RPS6KC1: variants seen among roughly 807,000 people sequenced by gnomAD.
The protein encoded by RPS6KC1 is ribosomal protein S6 kinase C1, also known as inactive ribosomal protein S6 kinase delta-1.
RPS6KC1 carries 54 observed loss-of-function variants against 103.8 expected under a neutral mutation model. The observed-to-expected ratio is 0.52, with a 90% CI of 0.42 to 0.65. The LOEUF (loss-of-function observed/expected upper bound fraction) is 0.65, where lower values mean the gene tolerates loss of function less well. RPS6KC1 is among the 30% of genes least tolerant of loss of function. The pLI is 0.00. For synonymous variants in RPS6KC1, 439 were observed against 438.7 expected (o/e 1.00, Z -0.01); for missense variants, 1,151 against 1,253.8 (o/e 0.92, Z 1.24).
chr1:213,349,192 A>G, the RPS6KC1 span, among the ~76,000 whole-genome samples: 2 of 152,214 alleles, frequency 1.3e-5, no homozygotes, highest in African/African-American at 2.4e-5. Flanking sequence ...TTTCTAAGTA[A>G]AGAGAAGAAT....
At chr1:213,185,370 GCA>G (rs1357492695) in intron 8 of RPS6KC1, among the ~76,000 whole-genome samples, 1 of 152,146 alleles carries the variant, frequency 6.6e-6, no homozygotes, top group African/African-American at 2.4e-5. Context: ...TTAAGGCCTG[GCA>G]CAGTGGCTTA....
chr1:213,499,020 T>C, the RPS6KC1 span, among the ~76,000 whole-genome samples: 10 of 151,722 alleles, frequency 6.6e-5, no homozygotes, highest in African/African-American at 2.4e-4. Flanking sequence ...CCTCAGGTGA[T>C]CCACCTGTCT....
Position 213,224,349 on chromosome 1 carries a change from G to A in RPS6KC1, c.1045-6148G>A, listed in dbSNP as rs73093622. ...AAGAACAGATGAGGCTAATCCTTAA[G>A]GAATAAGTTGCCTGCTTTTTCTTTT... On this transcript the variant is annotated intron_variant, in intron 8 of 14. Coordinates refer to ENST00000366960, the MANE Select transcript of RPS6KC1 (RefSeq NM_012424.6). 3.5e-3 allele frequency among the ~76,000 whole-genome samples: 535 copies of A among 152,268 alleles called. 6 individuals are homozygous for A. The highest frequency in any genetic ancestry group is 0.012 in the African/African-American group (511 of 41,558).
chr1:213,740,202 A>G, the RPS6KC1 span, among the ~76,000 whole-genome samples: 2 of 152,164 alleles, frequency 1.3e-5, no homozygotes, highest in African/African-American at 4.8e-5. Context: ...CAGAAATCCA[A>G]CACAATCAGA....
the RPS6KC1 span, among the ~76,000 whole-genome samples, chr1:213,629,750 C>A: frequency 6.6e-6 from 1 of 152,086 alleles, no homozygotes; most frequent in African/African-American, 2.4e-5. Context: ...TTTAGTGCTT[C>A]CTTCAGGAGC....
chr1:213,668,402 A>ACCCCCCCCCCC, the RPS6KC1 span, among the ~76,000 whole-genome samples: 1 of 86,250 alleles, frequency 1.2e-5, no homozygotes, highest in Non-Finnish European at 2.1e-5. Flanking sequence ...CCCCCGCCGC[A>ACCCCCCCCCCC]CCACCCCCAC....
chr1:213,434,006 TAA>T, the RPS6KC1 span, among the ~76,000 whole-genome samples: 35 of 151,978 alleles, frequency 2.3e-4, no homozygotes, highest in Non-Finnish European at 4.7e-4. Context: ...GTTGTATGTC[TAA>T]GACATTTTTC....
chr1:213,479,791 A>G, the RPS6KC1 span, among the ~76,000 whole-genome samples: 2 of 151,570 alleles, frequency 1.3e-5, no homozygotes, highest in African/African-American at 2.4e-5. Flanking sequence ...ATTTAATTAA[A>G]TAGAATTTTT....
the RPS6KC1 span, among the ~76,000 whole-genome samples, chr1:213,862,352 C>T: frequency 1.3e-5 from 2 of 152,120 alleles, no homozygotes; most frequent in Non-Finnish European, 2.9e-5. Flanking sequence ...GCCGATGGTC[C>T]GGAGGGTCAC....
the RPS6KC1 span, among the ~76,000 whole-genome samples, chr1:213,604,341 A>G: frequency 6.6e-6 from 1 of 152,242 alleles, no homozygotes; most frequent in African/African-American, 2.4e-5. Flanking sequence ...TGGGTTTTTC[A>G]TGCTGCACAG....
At chr1:213,113,827 C>T (rs1045691678) in intron 4 of RPS6KC1, among the ~76,000 whole-genome samples, 62 of 152,216 alleles carry the variant, frequency 4.1e-4, no homozygotes, top group South Asian at 1.5e-3. Flanking sequence ...ATCCTTTCCC[C>T]GTTGCTTGTT....
the RPS6KC1 span, among the ~76,000 whole-genome samples, chr1:213,638,476 G>A: frequency 3.3e-5 from 5 of 151,890 alleles, no homozygotes; most frequent in Non-Finnish European, 5.9e-5. Flanking sequence ...TCTTCTAAAA[G>A]TTATACATTT....
chr1:213,624,319 T>C, the RPS6KC1 span, among the ~76,000 whole-genome samples: 4 of 152,180 alleles, frequency 2.6e-5, no homozygotes, highest in Admixed American at 6.5e-5. Flanking sequence ...ATGTATGAAA[T>C]GTATGTATGC....
chr1:213,668,236 T>C, the RPS6KC1 span, among the ~76,000 whole-genome samples: 1 of 149,684 alleles, frequency 6.7e-6, no homozygotes, highest in Non-Finnish European at 1.5e-5. Context: ...ATATGTTTTT[T>C]AAATAATAAG....
the RPS6KC1 span, among the ~76,000 whole-genome samples, chr1:213,456,303 T>C: frequency 6.6e-6 from 1 of 152,112 alleles, no homozygotes; most frequent in Admixed American, 6.5e-5. Context: ...TTTTTATATA[T>C]TCATATATAC....
chr1:213,658,075 T>G, the RPS6KC1 span, among the ~76,000 whole-genome samples: 1 of 152,118 alleles, frequency 6.6e-6, no homozygotes, highest in African/African-American at 2.4e-5. Flanking sequence ...AGGGAGGAAA[T>G]GAATGACATA....
the RPS6KC1 span, among the ~76,000 whole-genome samples, chr1:213,300,959 C>T: frequency 1.2e-4 from 18 of 152,116 alleles, no homozygotes; most frequent in African/African-American, 4.1e-4. Flanking sequence ...ATCAGCCGAT[C>T]CTCTTCTTCA....
intron 6 of RPS6KC1, among the ~76,000 whole-genome samples, 191 bp from the exon 7 acceptor site, chr1:213,167,667 A>G (rs963273138): frequency 1.3e-5 from 2 of 152,238 alleles, no homozygotes; most frequent in Non-Finnish European, 2.9e-5. Flanking sequence ...TAGAATTTGG[A>G]TAAATGAAAT....
At chr1:213,737,331 A>G in the RPS6KC1 span, among the ~76,000 whole-genome samples, 16 of 152,164 alleles carry the variant, frequency 1.1e-4, no homozygotes, top group Non-Finnish European at 2.4e-4. Context: ...TTCCAGTCAC[A>G]TTGGGGAAGA....
Sources: gnomAD v4.1 joint callset for allele counts (sites outside exome capture counted in the v4.1 genomes callset) on GRCh38, gnomAD v4.1.1 for gene constraint, MANE v1.5 for transcripts, NCBI Gene and HGNC (gene_info 2026-07-23, HGNC 2026-07-21) for gene names.